MPDZ: variants seen among roughly 807,000 people sequenced by gnomAD.
MPDZ encodes the protein multiple PDZ domain protein.
In MPDZ, 234 loss-of-function variants were observed where a neutral mutation model predicts 239.1. That is an observed-to-expected ratio of 0.98 (90% CI 0.88 to 1.09). MPDZ has a LOEUF of 1.09. MPDZ is among the 50% of genes least tolerant of loss of function. The probability of loss-of-function intolerance (pLI) is 0.00; values close to 1 mark genes in which losing one functional copy is unlikely to be tolerated. For synonymous variants in MPDZ, 1,048 were observed against 881.3 expected, an observed-to-expected ratio of 1.19 and a Z score of -3.35; for missense variants, 3,175 against 2,510.0, an observed-to-expected ratio of 1.26 and a Z score of -5.66.
intron 3 of MPDZ, among the ~76,000 whole-genome samples, chr9:13,229,962 C>T (rs1961890512): frequency 6.6e-6 from 1 of 151,760 alleles, no homozygotes; most frequent in South Asian, 2.1e-4. Context: ...TGACTCATAT[C>T]TAGAATATAT....
At chr9:13,183,034 C>T (rs1214376119) in intron 19 of MPDZ, among the ~76,000 whole-genome samples, 1 of 152,030 alleles carries the variant, frequency 6.6e-6, no homozygotes, top group Admixed American at 6.6e-5. Flanking sequence ...ATTTTACTAT[C>T]CAACTTTGCA....
Position 13,108,992 on chromosome 9 carries a change from C to A in MPDZ, c.6010G>T (p.Gly2004Ter). Residue 2004 changes from glycine to a stop codon, truncating the protein, a stop_gained, in exon 46 of 47, where the codon GGA (glycine) becomes TGA (stop). Coordinates refer to ENST00000319217, the MANE Select transcript of MPDZ (RefSeq NM_001378778.1). LOFTEE classifies it high-confidence loss of function. ...AAGTCTCCATGAGGGCTGCCATATC[C>A]TCCAACTATACTGAAGCCTAAGCCA... Reference protein sequence around the residue: ...PDGLGFSIVGGYGSPHGDLPI... With the variant: ...PDGLGFSIVG 6.2e-7 allele frequency: 1 copy of A among 1,605,502 alleles called. No individual in the cohort carries two copies. The highest frequency in any genetic ancestry group is 8.5e-7 in the Non-Finnish European group (1 of 1,175,488).
chr9:13,270,080 T>C (rs746184915), intron 1 of MPDZ, among the ~76,000 whole-genome samples: 13 of 152,218 alleles, frequency 8.5e-5, no homozygotes, highest in Admixed American at 1.3e-4. Flanking sequence ...GGGCTTATTC[T>C]TTCAATGAAC....
intron 21 of MPDZ, among the ~76,000 whole-genome samples, chr9:13,175,072 T>G (rs1375588125): frequency 1.3e-5 from 2 of 152,196 alleles, no homozygotes; most frequent in Non-Finnish European, 2.9e-5. Context: ...TCAGAGCAAC[T>G]CATCTACCAT....
At chr9:13,138,840 A>C (rs1947239016) in intron 28 of MPDZ, among the ~76,000 whole-genome samples, 2 of 152,210 alleles carry the variant, frequency 1.3e-5, no homozygotes, top group South Asian at 4.1e-4. Flanking sequence ...AACAGCCAGC[A>C]CTACTTGACA....
chr9:13,121,965 C>T (rs906111018), intron 37 of MPDZ, 33 bp from the exon 38 acceptor site: 20 of 1,604,828 alleles, frequency 1.2e-5, no homozygotes, highest in Admixed American at 5.1e-5. Flanking sequence ...CTGTAAGGAA[C>T]ATGAGAAGTA....
At chr9:13,115,720 T>C (rs559546917) in intron 39 of MPDZ, among the ~76,000 whole-genome samples, 15 of 151,432 alleles carry the variant, frequency 9.9e-5, no homozygotes, top group South Asian at 8.4e-4. Context: ...CCGAGGCGGG[T>C]GGATCACGAG....
chr9:13,112,139 G>A lies in MPDZ; in HGVS notation c.5609C>T (p.Thr1870Ile). The change falls in exon 43 of 47, where the codon ACT (threonine) becomes ATT (isoleucine). Residue 1870 changes from threonine (T) to isoleucine (I), a missense_variant. Coordinates refer to ENST00000319217, the MANE Select transcript of MPDZ (RefSeq NM_001378778.1). Reference protein sequence around the residue: ...LRTVEMKKGPTDSLGISIAGG... With the variant: ...LRTVEMKKGPIDSLGISIAGG... The stretch of plus-strand genomic sequence containing the variant: ...AGCGATGCTGATTCCCAGTGAGTCA[G>A]TAGGGCCCTGCCATGGAACAGATAT... 2 of 1,611,670 alleles carry A rather than the reference G, an allele frequency of 1.2e-6. No individual in the cohort carries two copies. Among genetic ancestry groups the A allele is most frequent in the Non-Finnish European group, 8.5e-7 (1 of 1,178,628 alleles).
chr9:13,230,374 A>C (rs1294071112), intron 3 of MPDZ, among the ~76,000 whole-genome samples: 1 of 152,218 alleles, frequency 6.6e-6, no homozygotes, highest in Non-Finnish European at 1.5e-5. Flanking sequence ...CAGCTTATAT[A>C]TAATAGTGAA....
rs2135676318 is a variant in MPDZ, at chr9:13,206,007, C to T, written c.1383G>A (p.Arg461=). 6.2e-7 allele frequency: 1 copy of T among 1,612,856 alleles called. No homozygotes were observed. Among genetic ancestry groups the T allele is most frequent in the South Asian group, 1.1e-5 (1 of 90,944 alleles). ...TGQTVLLTLM[R]RGMKQEAELM... ...GCTCGGCTTCCTGCTTCATTCCTCT[C>T]CTCATTAGTGTCAGGAGCACAGTTT... is the stretch of plus-strand genomic sequence containing the variant. Residue 461 remains arginine, a synonymous_variant, in exon 11 of 47, where the codon AGG becomes AGA. Transcript: ENST00000319217.
intron 24 of MPDZ, among the ~76,000 whole-genome samples, chr9:13,153,557 G>A (rs568271612): frequency 6.6e-5 from 10 of 152,090 alleles, no homozygotes; most frequent in African/African-American, 2.4e-4. Context: ...CCTGGGCTCA[G>A]GAACTCCTAA....
At chr9:13,241,285 T>A (rs1180375089) in intron 3 of MPDZ, among the ~76,000 whole-genome samples, 1 of 152,210 alleles carries the variant, frequency 6.6e-6, no homozygotes, top group Non-Finnish European at 1.5e-5. Context: ...TGCTGTCAGG[T>A]GGCTACAAAG....
intron 23 of MPDZ, 25 bp from the exon 24 acceptor site, chr9:13,158,135 T>C: frequency 2.5e-6 from 4 of 1,576,394 alleles, no homozygotes; most frequent in Non-Finnish European, 3.5e-6. Context: ...ACACAATGAG[T>C]ACCCCAAAAT....
intron 1 of MPDZ, among the ~76,000 whole-genome samples, chr9:13,266,318 T>G (rs1588213015): frequency 6.6e-6 from 1 of 152,216 alleles, no homozygotes; most frequent in Non-Finnish European, 1.5e-5. Context: ...TTAATGTGGT[T>G]GTTTTTCTCT....
Position 13,219,611 on chromosome 9 carries a change from G to A in MPDZ, c.1034C>T (p.Thr345Ile), listed in dbSNP as rs1433077018. ...RGAIEERTAPTALGITLSSSP... is the reference protein window; with the variant it reads ...RGAIEERTAPIALGITLSSSP... The stretch of plus-strand genomic sequence containing the variant: ...TGAGGAGAGGGTGATGCCCAAAGCA[G>A]TGGGTGCTGTACGTTCTTCTATGGC... The change falls in exon 8 of 47, where the codon ACT becomes ATT. Residue 345 changes from threonine (T) to isoleucine (I), a missense_variant. Coordinates refer to ENST00000319217, the MANE Select transcript of MPDZ (RefSeq NM_001378778.1). The A allele has an allele frequency of 6.2e-7, 1 of 1,612,404 alleles. No individual in the cohort carries two copies. Among genetic ancestry groups the A allele is most frequent in the South Asian group, 1.1e-5 (1 of 91,050 alleles).
At position 13,114,015 on chromosome 9, in the gene MPDZ, C is replaced by A; in HGVS notation, c.5473G>T (p.Glu1825Ter). 1 of 1,588,824 alleles carries A rather than the reference C, an allele frequency of 6.3e-7. No homozygotes were observed. Among genetic ancestry groups the A allele is most frequent in the Non-Finnish European group, 8.6e-7 (1 of 1,166,342 alleles). The change falls in exon 41 of 47, where the codon GAA (glutamate) becomes TAA (stop). Residue 1825 changes from glutamate to a stop codon, truncating the protein, a stop_gained. Coordinates refer to ENST00000319217, the MANE Select transcript of MPDZ (RefSeq NM_001378778.1). LOFTEE classifies it high-confidence loss of function. ...AAAGTGAAAGATGACAGGCTGCCTTCACTCACCTACAAATATACAACAATT... is the reference window on the plus strand; with the variant it reads ...AAAGTGAAAGATGACAGGCTGCCTTAACTCACCTACAAATATACAACAATT... ...RRPSQSSQVS[E>*]GSLSSFTFPL... is the part of the protein sequence containing the mutation.
At chr9:13,230,793 T>G (rs1962193540) in intron 3 of MPDZ, among the ~76,000 whole-genome samples, 1 of 152,000 alleles carries the variant, frequency 6.6e-6, no homozygotes, top group Non-Finnish European at 1.5e-5. Context: ...AAACAAATTT[T>G]TAACTGAATG....
intron 43 of MPDZ, among the ~76,000 whole-genome samples, chr9:13,110,975 G>C (rs1942361314): frequency 6.6e-6 from 1 of 152,192 alleles, no homozygotes; most frequent in Non-Finnish European, 1.5e-5. Context: ...GGGAGAAGGA[G>C]AAAGTCACTC....
chr9:13,162,799 G>A lies in MPDZ; in HGVS notation c.3255-4C>T, dbSNP rs1397735827. On this transcript the variant is annotated splice_polypyrimidine_tract_variant and splice_region_variant and intron_variant, in intron 22 of 46. Transcript: ENST00000319217. Reference sequence around the variant, plus strand: ...TTCTGCAGGCACATAAGTAATTCTGGAACAAACCAGAATCCATGGAAGTGA... The same window carrying A: ...TTCTGCAGGCACATAAGTAATTCTGAAACAAACCAGAATCCATGGAAGTGA... The A allele has an allele frequency of 6.3e-7, 1 of 1,588,138 alleles. No homozygotes were observed. The highest frequency in any genetic ancestry group is 1.7e-5 in the Admixed American group (1 of 59,452).
Sources: gnomAD v4.1 joint callset for allele counts (sites outside exome capture counted in the v4.1 genomes callset) on GRCh38, gnomAD v4.1.1 for gene constraint, MANE v1.5 for transcripts, NCBI Gene and HGNC (gene_info 2026-07-23, HGNC 2026-07-21) for gene names.